Variants in ZMYND8 observed in about 807,000 individuals in gnomAD.
The protein encoded by ZMYND8 is zinc finger MYND-type containing 8.
In ZMYND8, 37 loss-of-function variants were observed where a neutral mutation model predicts 140.8. That is an observed-to-expected ratio of 0.26 (90% CI 0.20 to 0.35). The LOEUF is 0.35. Ranked by LOEUF, ZMYND8 falls within the 10% of genes least tolerant of loss-of-function variation. ZMYND8 has a pLI of 1.00. For synonymous variants in ZMYND8, 592 were observed against 597.1 expected (o/e 0.99, Z 0.12); for missense variants, 1,068 against 1,570.0 (o/e 0.68, Z 5.40).
intron 15 of ZMYND8, chr20:47,238,552 C>T (rs1555896885): frequency 2.2e-6 from 2 of 910,044 alleles, no homozygotes; most frequent in Non-Finnish European, 1.6e-6. Flanking sequence ...ATAAAATGAA[C>T]AAAAAAAACT....
At chr20:47,284,355 T>C (rs868056102) in intron 8 of ZMYND8, among the ~76,000 whole-genome samples, 23 of 152,276 alleles carry the variant, frequency 1.5e-4, no homozygotes, top group South Asian at 8.3e-4. Context: ...AGGGATCACA[T>C]AGCAATGTCT....
Position 47,265,945 on chromosome 20 carries a change from CCCATGGAGA to C in ZMYND8, c.1481-3526_1481-3518del, listed in dbSNP as rs1369204579. On this transcript the variant is annotated intron_variant, in intron 11 of 22. Coordinates refer to ENST00000471951, the MANE Select transcript of ZMYND8 (RefSeq NM_001281775.3). The stretch of plus-strand genomic sequence containing the variant: ...AAGGGTGTCAGGAAAACATTGGTTT[CCCATGGAGA>C]TGGGTCTGGTTCACACTCTACCCAG... Among the ~76,000 whole-genome samples the C allele has an allele frequency of 4.6e-3, 694 of 152,244 alleles. 4 individuals carry two copies. The highest frequency in any genetic ancestry group is 0.016 in the African/African-American group (668 of 41,540).
At chr20:47,249,636 G>A (rs1415550069) in intron 12 of ZMYND8, among the ~76,000 whole-genome samples, 197 bp from the exon 13 acceptor site, 3 of 145,816 alleles carry the variant, frequency 2.1e-5, no homozygotes, top group Non-Finnish European at 4.7e-5. Context: ...ACGTGAACAC[G>A]TTTGGCAGGT....
At chr20:47,322,182 A>G (rs1171757551) in intron 2 of ZMYND8, among the ~76,000 whole-genome samples, 1 of 151,926 alleles carries the variant, frequency 6.6e-6, no homozygotes, top group Non-Finnish European at 1.5e-5. Flanking sequence ...TTGATAAGGT[A>G]ATGAAAGCCC....
At chr20:47,267,411 G>A (rs1431287591) in intron 11 of ZMYND8, among the ~76,000 whole-genome samples, 2 of 141,532 alleles carry the variant, frequency 1.4e-5, no homozygotes, top group Non-Finnish European at 3.0e-5. Flanking sequence ...TAAATTTTAT[G>A]TTATGTGAAT....
chr20:47,242,649 A>ACTGG (rs2040110885), intron 14 of ZMYND8, among the ~76,000 whole-genome samples: 1 of 152,252 alleles, frequency 6.6e-6, no homozygotes, highest in Non-Finnish European at 1.5e-5. Context: ...GCAAAAGCAA[A>ACTGG]CAGCCAGCAG....
At chr20:47,245,558 T>C (rs2040467188) in intron 14 of ZMYND8, among the ~76,000 whole-genome samples, 1 of 152,124 alleles carries the variant, frequency 6.6e-6, no homozygotes. Context: ...AAATGAACAC[T>C]CCTAACCGTT....
chr20:47,283,688 G>C, intron 8 of ZMYND8, 40 bp from the exon 9 acceptor site: 2 of 1,596,448 alleles, frequency 1.3e-6, no homozygotes, highest in Non-Finnish European at 1.7e-6. Context: ...CACCCCAGGG[G>C]TGGATATCTT....
intron 1 of ZMYND8, chr20:47,352,421 C>T (rs2082864655): frequency 2.0e-6 from 2 of 978,436 alleles, no homozygotes; most frequent in South Asian, 4.7e-5. Context: ...AAAGACAATC[C>T]GAGTCTGCAG....
chr20:47,351,964 T>C (rs1196783656), intron 1 of ZMYND8: 60 of 984,952 alleles, frequency 6.1e-5, no homozygotes, highest in Non-Finnish European at 7.2e-5. Context: ...ACAGGGAGAG[T>C]TTGTGAAGTC....
intron 16 of ZMYND8, among the ~76,000 whole-genome samples, 197 bp downstream of exon 16, chr20:47,236,129 A>T (rs754151522): frequency 2.0e-5 from 3 of 152,234 alleles, no homozygotes; most frequent in Non-Finnish European, 4.4e-5. Flanking sequence ...ACTTGGAGTA[A>T]GATTCAGTCC....
chr20:47,212,512 A>T, intron 22 of ZMYND8, 130 bp downstream of exon 22: 1 of 1,027,146 alleles, frequency 9.7e-7, no homozygotes, highest in Non-Finnish European at 1.5e-6. Flanking sequence ...TTGCAAAGGA[A>T]GACCCACAAC....
intron 17 of ZMYND8, 46 bp downstream of exon 17, chr20:47,229,680 C>T: frequency 6.3e-7 from 1 of 1,585,906 alleles, no homozygotes; most frequent in Non-Finnish European, 8.7e-7. Context: ...TAAAGCAGCC[C>T]ACAAAACACT....
At chr20:47,287,473 A>G (rs2076994373) in intron 7 of ZMYND8, among the ~76,000 whole-genome samples, 189 bp from the exon 8 acceptor site, 1 of 151,518 alleles carries the variant, frequency 6.6e-6, no homozygotes, top group Non-Finnish European at 1.5e-5. Flanking sequence ...AATGTCGACG[A>G]CTCTTTGGCG....
chr20:47,300,934 GTT>G (rs58404798), intron 3 of ZMYND8, among the ~76,000 whole-genome samples: 8 of 128,706 alleles, frequency 6.2e-5, no homozygotes, highest in African/African-American at 8.6e-5. Context: ...GTGTGTGTGT[GTT>G]TTGTTTTGTT....
intron 2 of ZMYND8, among the ~76,000 whole-genome samples, chr20:47,334,099 G>T (rs772847728): frequency 7.2e-5 from 11 of 152,166 alleles, no homozygotes; most frequent in African/African-American, 2.7e-4. Flanking sequence ...GTATAATAGT[G>T]TTGACTCTCT....
chr20:47,341,837 A>G (rs577445830), intron 2 of ZMYND8, among the ~76,000 whole-genome samples: 133 of 151,912 alleles, frequency 8.8e-4, no homozygotes, highest in African/African-American at 3.0e-3. Context: ...CCCTGTCTCT[A>G]CTAAAAATAC....
intron 10 of ZMYND8, among the ~76,000 whole-genome samples, chr20:47,277,619 GT>G (rs2076332056): frequency 1.3e-5 from 2 of 151,944 alleles, no homozygotes; most frequent in South Asian, 4.2e-4. Flanking sequence ...GAAGGCTTTT[GT>G]GGGGGATTTT....
chr20:47,241,799 T>C (rs1362443416), intron 14 of ZMYND8, among the ~76,000 whole-genome samples: 1 of 151,826 alleles, frequency 6.6e-6, no homozygotes, highest in Non-Finnish European at 1.5e-5. Flanking sequence ...ATAAGGATTA[T>C]GTCTGCCTCT....
Sources: allele counts gnomAD v4.1 joint callset (sites outside exome capture counted in the v4.1 genomes callset), GRCh38; gene constraint gnomAD v4.1.1; transcripts MANE v1.5; gene names NCBI Gene and HGNC (gene_info 2026-07-23, HGNC 2026-07-21).